The following TRDN variants were observed in gnomAD, a reference collection of about 807,000 sequenced individuals.
The protein encoded by TRDN is triadin in skeletal muscle.
A neutral mutation model predicts 149.7 loss-of-function variants in TRDN; 161 were observed. The ratio of observed to expected loss-of-function variants is 1.08; its 90% CI spans 0.95 to 1.23. The LOEUF is 1.23. Ranked by LOEUF, TRDN falls within the 50% of genes most tolerant of loss-of-function variation. TRDN has a pLI of 0.00. For synonymous variants in TRDN, 294 were observed against 250.5 expected (o/e 1.17, Z -1.64); for missense variants, 896 against 823.5 (o/e 1.09, Z -1.08).
At position 123,495,809 on chromosome 6, in the gene TRDN, T is replaced by C. The variant is rs113300510; in HGVS notation, c.853+1384A>G. ...TTGTTTGTAGTCACTAGATGATTTG[T>C]CAACAATGCAAGGTTGTGACTGTGA... is the stretch of plus-strand genomic sequence containing the variant. On this transcript the variant is annotated intron_variant, in intron 9 of 40. Coordinates refer to ENST00000334268, the MANE Select transcript of TRDN (RefSeq NM_006073.4). Among the ~76,000 whole-genome samples, 677 of 152,060 alleles carry C rather than the reference T, an allele frequency of 4.5e-3. 2 individuals are homozygous for C. The highest frequency in any genetic ancestry group is 0.015 in the African/African-American group (613 of 41,492).
intron 9 of TRDN, chr6:123,488,864 G>T (rs1358833173): frequency 2.6e-5 from 4 of 152,020 alleles, no homozygotes; most frequent in African/African-American, 9.7e-5. Context: ...CCTGTCTGCT[G>T]CTTTGTGCCA....
intron 14 of TRDN, among the ~76,000 whole-genome samples, chr6:123,384,596 GA>G (rs1781838805): frequency 6.6e-6 from 1 of 152,090 alleles, no homozygotes. Context: ...TGTAACTATA[GA>G]ATATCTAAAA....
intron 26 of TRDN, 28 bp downstream of exon 26, chr6:123,278,290 T>C (rs1582813813): frequency 8.0e-7 from 1 of 1,253,590 alleles, no homozygotes; most frequent in Non-Finnish European, 1.1e-6. Context: ...ATGGAAATCA[T>C]ATATGTGTAT....
chr6:123,571,331 G>C (rs951252573), intron 1 of TRDN, among the ~76,000 whole-genome samples, 199 bp from the exon 2 acceptor site: 1 of 152,080 alleles, frequency 6.6e-6, no homozygotes, highest in African/African-American at 2.4e-5. Flanking sequence ...CCTAAAACTC[G>C]TGCGCTCATA....
In TRDN at chr6:123,548,415, T is replaced by C. The variant is rs369617753; in HGVS notation, c.391+39A>G. ...AGCCACTATAATACATATTTAATGT[T>C]GCTCCTAGCAGTTAGATATATCTCT... is the stretch of plus-strand genomic sequence containing the variant. On this transcript the variant is annotated intron_variant, in intron 3 of 40. Coordinates refer to ENST00000334268, the MANE Select transcript of TRDN (RefSeq NM_006073.4). 131 of 1,406,236 alleles carry C rather than the reference T, an allele frequency of 9.3e-5. No homozygotes were observed. In the African/African-American group the frequency reaches 1.8e-3, roughly 20 times the overall value. The allele number at this position is 1,406,236 out of a possible 1,614,324, so 87.1% of individuals were successfully genotyped here.
chr6:123,480,534 C>T (rs1028648552), intron 9 of TRDN, among the ~76,000 whole-genome samples: 1 of 152,040 alleles, frequency 6.6e-6, no homozygotes, highest in African/African-American at 2.4e-5. Flanking sequence ...GTCATAGCCT[C>T]TCAAGTTAAA....
chr6:123,304,745 T>C (rs1295208470), intron 24 of TRDN, among the ~76,000 whole-genome samples: 1 of 152,132 alleles, frequency 6.6e-6, no homozygotes, highest in East Asian at 1.9e-4. Flanking sequence ...AATAAAATTG[T>C]ACATAAAGAA....
At chr6:123,448,283 G>T (rs1775523401) in intron 10 of TRDN, among the ~76,000 whole-genome samples, 1 of 152,176 alleles carries the variant, frequency 6.6e-6, no homozygotes, top group African/African-American at 2.4e-5. Context: ...GACTCCACAG[G>T]CAGGGGAAGA....
chr6:123,584,440 A>G (rs1029540706), intron 1 of TRDN, among the ~76,000 whole-genome samples: 7 of 152,064 alleles, frequency 4.6e-5, no homozygotes, highest in African/African-American at 1.7e-4. Flanking sequence ...CAGAAAGGCT[A>G]CAGGGTGCGG....
intron 1 of TRDN, among the ~76,000 whole-genome samples, chr6:123,587,769 GGTT>G (rs1783578861): frequency 6.7e-6 from 1 of 150,084 alleles, no homozygotes; most frequent in African/African-American, 2.5e-5. Context: ...CAAAAGGGGG[GGTT>G]GTTCTCTGGC....
At chr6:123,501,455 A>G (rs922494549) in intron 8 of TRDN, among the ~76,000 whole-genome samples, 1 of 151,340 alleles carries the variant, frequency 6.6e-6, no homozygotes, top group Admixed American at 6.6e-5. Context: ...AATTTTCAAA[A>G]CCAAAGCCTC....
chr6:123,490,038 AAGAC>A (rs1374287297), intron 9 of TRDN, among the ~76,000 whole-genome samples: 24 of 152,340 alleles, frequency 1.6e-4, no homozygotes, highest in Admixed American at 1.1e-3. Context: ...TGAATGCAGA[AAGAC>A]AGAGAGCAGT....
intron 24 of TRDN, among the ~76,000 whole-genome samples, chr6:123,299,934 T>C (rs1421385832): frequency 6.6e-6 from 1 of 152,058 alleles, no homozygotes; most frequent in African/African-American, 2.4e-5. Flanking sequence ...AACTTGTTTC[T>C]TTTAAATTTC....
intron 27 of TRDN, among the ~76,000 whole-genome samples, 196 bp from the exon 28 acceptor site, chr6:123,273,559 G>A (rs985106894): frequency 2.0e-5 from 3 of 151,806 alleles, no homozygotes; most frequent in African/African-American, 4.8e-5. Flanking sequence ...ACCTACAGCA[G>A]ATAAATATAA....
intron 4 of TRDN, among the ~76,000 whole-genome samples, chr6:123,546,648 GT>G (rs1280579130): frequency 6.6e-6 from 1 of 152,028 alleles, no homozygotes; most frequent in African/African-American, 2.4e-5. Context: ...TCCAGATGCA[GT>G]TCCTACCCCT....
At chr6:123,559,232 C>T (rs1356229479) in intron 2 of TRDN, among the ~76,000 whole-genome samples, 1 of 152,186 alleles carries the variant, frequency 6.6e-6, no homozygotes, top group Non-Finnish European at 1.5e-5. Flanking sequence ...ACATTACCTT[C>T]TTTTCAAGGG....
chr6:123,232,226 A>G (rs1264634509), intron 38 of TRDN, among the ~76,000 whole-genome samples: 2 of 151,992 alleles, frequency 1.3e-5, no homozygotes, highest in Non-Finnish European at 2.9e-5. Context: ...AAAATCCTAT[A>G]TTATGAAAGC....
intron 21 of TRDN, chr6:123,349,410 G>A (rs540873954): frequency 4.2e-5 from 24 of 572,530 alleles, no homozygotes; most frequent in South Asian, 7.7e-5. Flanking sequence ...AGTTGTGGGC[G>A]CTCAATAAAT....
At position 123,546,927 on chromosome 6, in the gene TRDN, C is replaced by T. The variant is rs1283180558; in HGVS notation, c.424+413G>A. 8.6e-5 allele frequency among the ~76,000 whole-genome samples: 13 copies of T among 151,990 alleles called. No individual in the cohort carries two copies. In the East Asian group the frequency reaches 2.5e-3, roughly 29 times the overall value. On this transcript the variant is annotated intron_variant, in intron 4 of 40. Transcript: ENST00000334268. ...TGTTGTCCTGGCCCATAGTCATCAC[C>T]TAACATGCAAAATAATGATGGCAAA...
Sources: gnomAD v4.1 joint callset for allele counts (sites outside exome capture counted in the v4.1 genomes callset) on GRCh38, gnomAD v4.1.1 for gene constraint, MANE v1.5 for transcripts, NCBI Gene and HGNC (gene_info 2026-07-23, HGNC 2026-07-21) for gene names.